The following CFAP46 variants were observed in gnomAD, a reference collection of about 807,000 sequenced individuals.
CFAP46 encodes cilia- and flagella-associated protein 46.
CFAP46 carries 245 observed loss-of-function variants against 325.7 expected under a neutral mutation model. That is an observed-to-expected ratio of 0.75 (90% CI 0.68 to 0.84). CFAP46 has a LOEUF of 0.84. Ranked by LOEUF, CFAP46 falls within the 40% of genes least tolerant of loss-of-function variation. The pLI, the probability that CFAP46 is intolerant of heterozygous loss-of-function variation, is 0.00. For synonymous variants in CFAP46, 1,523 were observed against 1,495.9 expected, an observed-to-expected ratio of 1.02 and a Z score of -0.42; for missense variants, 3,346 against 3,543.0, an observed-to-expected ratio of 0.94 and a Z score of 1.41.
chr10:132,921,975 C>G (rs915473894), intron 13 of CFAP46, 129 bp downstream of exon 13: 9 of 1,185,716 alleles, frequency 7.6e-6, no homozygotes, highest in Non-Finnish European at 8.1e-6. Flanking sequence ...AGGACACTGC[C>G]GGTGCAAGGT....
In CFAP46 at chr10:132,899,092, A is replaced by G; in HGVS notation, c.3086T>C (p.Leu1029Pro). The change falls in exon 24 of 58, where the codon CTG becomes CCG. Residue 1029 changes from leucine to proline, a missense_variant. Transcript: ENST00000368586. Reference sequence around the variant, plus strand: ...GTAATGCCGCGCGGCCAGCATCACCAGGGCGCTGCTGCCCGCGATGCCTCC... The same window carrying G: ...GTAATGCCGCGCGGCCAGCATCACCGGGGCGCTGCTGCCCGCGATGCCTCC... ...RFGGIAGSSA[L>P]VMLAARHYWN... 1 of 1,544,938 alleles carries G rather than the reference A, an allele frequency of 6.5e-7. No individual in the cohort carries two copies. Among genetic ancestry groups the G allele is most frequent in the Non-Finnish European group, 8.7e-7 (1 of 1,143,774 alleles).
chr10:132,901,849 C>T (rs183296415), intron 22 of CFAP46, among the ~76,000 whole-genome samples: 13 of 152,230 alleles, frequency 8.5e-5, no homozygotes, highest in African/African-American at 2.4e-4. Flanking sequence ...CTATTGCTGG[C>T]GGATATAGAA....
At chr10:132,887,100 T>TCTCTCCTCTTTCACCTCTCTCTCTC in intron 25 of CFAP46, among the ~76,000 whole-genome samples, 1 of 129,474 alleles carries the variant, frequency 7.7e-6, no homozygotes, top group Middle Eastern at 3.9e-3. Flanking sequence ...TCTCCTCTCC[T>TCTCTCCTCTTTCACCTCTCTCTCTC]CTCTCCTCTT....
At chr10:132,912,902 T>A (rs1225718185) in intron 18 of CFAP46, 82 bp from the exon 19 acceptor site, 11 of 1,506,652 alleles carry the variant, frequency 7.3e-6, no homozygotes, top group Non-Finnish European at 9.8e-6. Flanking sequence ...CAGGTCACGG[T>A]AAGAGGCCTG....
rs181087831 is a variant in CFAP46 at position 132,890,969 on chromosome 10, A to G, written c.3304+1364T>C. On this transcript the variant is annotated intron_variant, in intron 25 of 57. Transcript: ENST00000368586. ...CACCTTAGGACTCTTAACAGGGATA[A>G]TTTTTTTTAGCAGACAATTTTTTTT... is the stretch of plus-strand genomic sequence containing the variant. Among the ~76,000 whole-genome samples the G allele has an allele frequency of 4.0e-3, 613 of 152,152 alleles. 3 individuals are homozygous for G. The highest frequency in any genetic ancestry group is 4.3e-3 in the Non-Finnish European group (290 of 67,984).
Position 132,884,401 on chromosome 10 carries a change from CG to C in CFAP46, c.3627+701del, listed in dbSNP as rs992093218. The stretch of plus-strand genomic sequence containing the variant: ...GGACCCCAGAACAATCCAAAGGCCT[CG>C]GGGCAGGATTGCTCTGAGCCGGAGA... On this transcript the variant is annotated intron_variant, in intron 27 of 57. Transcript: ENST00000368586. This position sits in a 1 kb window ranked among gnomAD's most constrained non-coding sequence, Gnocchi z 5.4. Among the ~76,000 whole-genome samples the C allele has an allele frequency of 1.3e-5, 2 of 152,142 alleles. No homozygotes were observed. Among genetic ancestry groups the C allele is most frequent in the African/African-American group, 2.4e-5 (1 of 41,440 alleles).
Position 132,886,052 on chromosome 10 carries a change from C to A in CFAP46, c.3305-93G>T. ...CCAGACTAAGCTGCCCATCACAGTG[C>A]CCCTGAGGTGGAACCGCGGCTACAG... On this transcript the variant is annotated intron_variant, in intron 25 of 57. Coordinates refer to ENST00000368586, the MANE Select transcript of CFAP46 (RefSeq NM_001200049.3). This position sits in a 1 kb window ranked among gnomAD's most constrained non-coding sequence, Gnocchi z 5.8. 1 of 1,466,468 alleles carries A rather than the reference C, an allele frequency of 6.8e-7. No individual in the cohort carries two copies. Among genetic ancestry groups the A allele is most frequent in the South Asian group, 1.3e-5 (1 of 76,740 alleles). The allele number at this position is 1,466,468 out of a possible 1,614,324, so 90.8% of individuals were successfully genotyped here. A position where few individuals can be genotyped will look rare whatever the true frequency, so the allele number is the denominator to read the frequency against.
chr10:132,868,588 T>C, intron 33 of CFAP46, among the ~76,000 whole-genome samples: 1 of 152,200 alleles, frequency 6.6e-6, no homozygotes. Flanking sequence ...CATAACAGTG[T>C]CTGTTTCAAT....
At chr10:132,825,555 G>T (rs1183933413) in intron 50 of CFAP46, among the ~76,000 whole-genome samples, 1 of 152,182 alleles carries the variant, frequency 6.6e-6, no homozygotes, top group East Asian at 1.9e-4. Context: ...TTACATGCCG[G>T]TCACACCTCA....
In CFAP46 at chr10:132,827,227, G is replaced by A. The variant is rs928890572; in HGVS notation, c.7117+6131C>T. ...GCTCGTCAGGGGAAGGCAGGAGGGC[G>A]GCCGGAGGGACCAGCCACAGTTCCG... On this transcript the variant is annotated intron_variant, in intron 50 of 57. Coordinates refer to ENST00000368586, the MANE Select transcript of CFAP46 (RefSeq NM_001200049.3). This position sits in a 1 kb window ranked among gnomAD's most constrained non-coding sequence, Gnocchi z 5.7. Among the ~76,000 whole-genome samples, 5 of 151,962 alleles carry A rather than the reference G, an allele frequency of 3.3e-5. No individual in the cohort carries two copies. Among genetic ancestry groups the A allele is most frequent in the South Asian group, 2.1e-4 (1 of 4,818 alleles).
chr10:132,912,604 C>CCTCTCTCT (rs59827475), intron 19 of CFAP46, 51 bp downstream of exon 19: 13 of 1,324,840 alleles, frequency 9.8e-6, no homozygotes, highest in South Asian at 6.8e-5. Context: ...TCTCCTCTCT[C>CCTCTCTCT]CTCTCTCTCT....
intron 7 of CFAP46, 44 bp from the exon 8 acceptor site, chr10:132,934,906 A>G: frequency 8.3e-7 from 1 of 1,200,186 alleles, no homozygotes; most frequent in Non-Finnish European, 1.2e-6. Flanking sequence ...ATCCTGTCAG[A>G]TTTATTCAAA....
At chr10:132,925,860 C>T (rs2135645517) in intron 10 of CFAP46, among the ~76,000 whole-genome samples, 1 of 152,328 alleles carries the variant, frequency 6.6e-6, no homozygotes, top group Non-Finnish European at 1.5e-5. Context: ...TGGCACTGAC[C>T]CGCACGCCCC....
Position 132,857,753 on chromosome 10 carries a change from T to A in CFAP46, c.5411A>T (p.Lys1804Ile). The stretch of plus-strand genomic sequence containing the variant: ...ATACGCTTCCAAGTAATACGCAGTT[T>A]TTTGTTCTTCATCTTTCTCGTTCTG... ...RAQNEKDEEQ[K>I]TAYYLEAYGL... is the part of the protein sequence containing the mutation. The change falls in exon 39 of 58, where the codon AAA becomes ATA. Residue 1804 changes from lysine (K) to isoleucine (I), a missense_variant. Transcript: ENST00000368586. 6.3e-7 allele frequency: 1 copy of A among 1,584,182 alleles called. No homozygotes were observed. The highest frequency in any genetic ancestry group is 8.6e-7 in the Non-Finnish European group (1 of 1,166,488).
chr10:132,866,918 G>A (rs1373027903), intron 34 of CFAP46, among the ~76,000 whole-genome samples: 1 of 152,184 alleles, frequency 6.6e-6, no homozygotes, highest in Non-Finnish European at 1.5e-5. Flanking sequence ...CAGATGACCG[G>A]GACCTCCAGG....
intron 22 of CFAP46, among the ~76,000 whole-genome samples, chr10:132,907,549 A>C (rs1849473881): frequency 6.6e-6 from 1 of 152,204 alleles, no homozygotes; most frequent in Non-Finnish European, 1.5e-5. Context: ...TTTCAAATTT[A>C]ATTAGCGTGC....
intron 44 of CFAP46, among the ~76,000 whole-genome samples, chr10:132,840,429 C>G (rs1848329989): frequency 6.6e-6 from 1 of 152,170 alleles, no homozygotes; most frequent in South Asian, 2.1e-4. Context: ...CTGGTTTTGG[C>G]TTCGCTGTTT....
At chr10:132,821,240 CTGTG>C (rs201375341) in intron 50 of CFAP46, among the ~76,000 whole-genome samples, 3 of 92,396 alleles carry the variant, frequency 3.2e-5, no homozygotes, top group East Asian at 3.5e-4. Context: ...CTGATGTGTG[CTGTG>C]TGTGTGCTGT....
chr10:132,817,556 T>G lies in CFAP46; in HGVS notation c.7118-2642A>C, dbSNP rs985247043. Among the ~76,000 whole-genome samples the G allele has an allele frequency of 6.6e-6, 1 of 152,246 alleles. No individual in the cohort carries two copies. The highest frequency in any genetic ancestry group is 2.4e-5 in the African/African-American group (1 of 41,466). On this transcript the variant is annotated intron_variant, in intron 50 of 57. Transcript: ENST00000368586. This position sits in a 1 kb window ranked among gnomAD's most constrained non-coding sequence, Gnocchi z 4.4. Reference sequence around the variant, plus strand: ...GATTTGATTGAGGTAACCGGCCCCTTCGTCTTCCTCATTCATTCTTCCTTC... The same window carrying G: ...GATTTGATTGAGGTAACCGGCCCCTGCGTCTTCCTCATTCATTCTTCCTTC...
Sources: allele counts gnomAD v4.1 joint callset (sites outside exome capture counted in the v4.1 genomes callset), GRCh38; gene constraint gnomAD v4.1.1; non-coding constraint Gnocchi (gnomAD v3.1); transcripts MANE v1.5; gene names NCBI Gene and HGNC (gene_info 2026-07-23, HGNC 2026-07-21).